The following RABGAP1L variants were observed in gnomAD, a reference collection of about 807,000 sequenced individuals.
RABGAP1L encodes RAB GTPase activating protein 1 like, also known as rab GTPase-activating protein 1-like.
RABGAP1L carries 63 observed loss-of-function variants against 137.7 expected under a neutral mutation model. That is an observed-to-expected ratio of 0.46 (90% CI 0.37 to 0.56). RABGAP1L has a LOEUF of 0.56. Ranked by LOEUF, RABGAP1L falls within the 20% of genes least tolerant of loss-of-function variation. The pLI is 0.00. For synonymous variants in RABGAP1L, 431 were observed against 433.7 expected (o/e 0.99, Z 0.08); for missense variants, 1,095 against 1,244.0 (o/e 0.88, Z 1.80).
intron 19 of RABGAP1L, among the ~76,000 whole-genome samples, chr1:174,931,579 C>T (rs964703389): frequency 6.6e-6 from 1 of 152,062 alleles, no homozygotes; most frequent in African/African-American, 2.4e-5. Flanking sequence ...ATCTCAGCCA[C>T]GTAGTTCTAT....
At chr1:174,547,765 T>C in intron 13 of RABGAP1L, 1 of 1,262,718 alleles carries the variant, frequency 7.9e-7, no homozygotes, top group Non-Finnish European at 1.1e-6. Context: ...GTATTTAAAT[T>C]GACGTTAGAT....
chr1:174,241,814 A>G (rs893148681), intron 5 of RABGAP1L, among the ~76,000 whole-genome samples, 157 bp downstream of exon 5: 5 of 152,234 alleles, frequency 3.3e-5, no homozygotes, highest in Admixed American at 1.3e-4. Flanking sequence ...GAATGTGGAA[A>G]GCCAAGTCTG....
chr1:174,908,537 CTTT>C (rs774387616), intron 19 of RABGAP1L, among the ~76,000 whole-genome samples: 5 of 94,382 alleles, frequency 5.3e-5, no homozygotes, highest in African/African-American at 1.5e-4. Context: ...ACAACATATT[CTTT>C]TTTTTTTTTT....
At chr1:174,314,621 G>T (rs1679196274) in intron 11 of RABGAP1L, among the ~76,000 whole-genome samples, 1 of 151,616 alleles carries the variant, frequency 6.6e-6, no homozygotes, top group Non-Finnish European at 1.5e-5. Flanking sequence ...TCCTTTTTTT[G>T]ATGTAGACAG....
At chr1:174,364,242 CCTTTTT>C (rs1684393793) in intron 11 of RABGAP1L, among the ~76,000 whole-genome samples, 1 of 113,190 alleles carries the variant, frequency 8.8e-6, no homozygotes, top group African/African-American at 4.0e-5. Flanking sequence ...TTTTGGATTT[CCTTTTT>C]TTTTTTTTTT....
intron 1 of RABGAP1L, among the ~76,000 whole-genome samples, chr1:174,161,804 C>T (rs774546383): frequency 1.5e-4 from 23 of 152,360 alleles, no homozygotes; most frequent in Non-Finnish European, 2.6e-4. Context: ...TCCTAGCTCA[C>T]TGCAGCCACG....
chr1:174,386,790 A>G (rs1806329), intron 12 of RABGAP1L, among the ~76,000 whole-genome samples: 31,748 of 151,978 alleles, frequency 0.21, 3,668 homozygotes, highest in Admixed American at 0.25. Flanking sequence ...TACAGGTGTG[A>G]GCCACCGCAC....
chr1:174,540,466 T>C (rs1411137106), intron 13 of RABGAP1L, among the ~76,000 whole-genome samples: 1 of 152,250 alleles, frequency 6.6e-6, no homozygotes, highest in African/African-American at 2.4e-5. Context: ...GAATTAATTT[T>C]TGTATAAGGT....
At chr1:174,752,776 G>T (rs979981487) in intron 18 of RABGAP1L, among the ~76,000 whole-genome samples, 1 of 152,044 alleles carries the variant, frequency 6.6e-6, no homozygotes, top group African/African-American at 2.4e-5. Flanking sequence ...GACTAAAAAA[G>T]AAACTGCTAC....
At chr1:174,748,379 G>A (rs1684053175) in intron 17 of RABGAP1L, among the ~76,000 whole-genome samples, 1 of 152,158 alleles carries the variant, frequency 6.6e-6, no homozygotes, top group African/African-American at 2.4e-5. Context: ...CACACAGGAG[G>A]CTTGAGGGGG....
intron 13 of RABGAP1L, among the ~76,000 whole-genome samples, chr1:174,598,173 C>G (rs1021497905): frequency 2.6e-5 from 4 of 151,894 alleles, no homozygotes; most frequent in East Asian, 1.9e-4. Context: ...TACTAAAATA[C>G]AAAAATTAGC....
chr1:174,976,324 C>T, intron 22 of RABGAP1L, 142 bp downstream of exon 22: 1 of 675,070 alleles, frequency 1.5e-6, no homozygotes, highest in Non-Finnish European at 2.4e-6. Context: ...TGTACTTACT[C>T]AACATTTTTG....
intron 13 of RABGAP1L, among the ~76,000 whole-genome samples, chr1:174,625,781 A>C (rs892515565): frequency 1.3e-5 from 2 of 152,250 alleles, no homozygotes; most frequent in Non-Finnish European, 2.9e-5. Context: ...GGTCAAAGTT[A>C]TAAAATTATA....
chr1:174,787,491 A>G (rs1409332393), intron 18 of RABGAP1L, among the ~76,000 whole-genome samples: 1 of 152,204 alleles, frequency 6.6e-6, no homozygotes, highest in African/African-American at 2.4e-5. Flanking sequence ...TTAGGCAACA[A>G]GAACAATATA....
chr1:174,616,487 C>A (rs1001739671), intron 13 of RABGAP1L, among the ~76,000 whole-genome samples: 1 of 152,026 alleles, frequency 6.6e-6, no homozygotes, highest in East Asian at 1.9e-4. Flanking sequence ...TCTCAGGCAC[C>A]AGGGAAACAA....
chr1:174,816,504 AT>A (rs1690431652), intron 19 of RABGAP1L, among the ~76,000 whole-genome samples: 1 of 151,962 alleles, frequency 6.6e-6, no homozygotes. Flanking sequence ...TCTTGATCTG[AT>A]TACCTGTTTT....
chr1:174,304,834 C>T (rs941994365), intron 10 of RABGAP1L, 152 bp from the exon 11 acceptor site: 1 of 615,390 alleles, frequency 1.6e-6, no homozygotes, highest in Non-Finnish European at 2.6e-6. Context: ...GGACAGTGCA[C>T]CTTAAAAGTT....
intron 17 of RABGAP1L, among the ~76,000 whole-genome samples, chr1:174,745,838 A>G (rs1033033028): frequency 1.3e-5 from 2 of 152,206 alleles, no homozygotes; most frequent in Admixed American, 6.5e-5. Context: ...TGTATGGGTC[A>G]GAAAGGACAG....
intron 4 of RABGAP1L, among the ~76,000 whole-genome samples, chr1:174,233,653 T>C (rs1406777757): frequency 1.5e-5 from 2 of 132,730 alleles, no homozygotes; most frequent in East Asian, 2.0e-4. Context: ...ATTTTCTTAA[T>C]CCAGTCTATC....
Sources: gnomAD v4.1 joint callset for allele counts (sites outside exome capture counted in the v4.1 genomes callset) on GRCh38, gnomAD v4.1.1 for gene constraint, MANE v1.5 for transcripts, NCBI Gene and HGNC (gene_info 2026-07-23, HGNC 2026-07-21) for gene names.